Variants in PICALM observed in about 807,000 individuals in gnomAD.
PICALM encodes phosphatidylinositol binding clathrin assembly protein, also known as phosphatidylinositol-binding clathrin assembly protein.
A neutral mutation model predicts 80.5 loss-of-function variants in PICALM; 40 were observed. The observed-to-expected ratio is 0.50, with a 90% confidence interval of 0.39 to 0.65. The LOEUF is 0.65. PICALM is among the 30% of genes least tolerant of loss of function. The pLI is 0.00. For synonymous variants in PICALM, 288 were observed against 260.3 expected, an observed-to-expected ratio of 1.11 and a Z score of -1.02; for missense variants, 676 against 778.9, an observed-to-expected ratio of 0.87 and a Z score of 1.57.
intron 1 of PICALM, among the ~76,000 whole-genome samples, chr11:86,039,909 CAGG>C (rs1362438074): frequency 1.4e-5 from 2 of 146,658 alleles, no homozygotes; most frequent in African/African-American, 2.5e-5. Flanking sequence ...GAGGCTGAAG[CAGG>C]AGAATGACAT....
At chr11:85,990,013 A>AAAAT (rs1306746205) in intron 13 of PICALM, among the ~76,000 whole-genome samples, 1 of 150,550 alleles carries the variant, frequency 6.6e-6, no homozygotes, top group Non-Finnish European at 1.5e-5. Flanking sequence ...AACACCAAAA[A>AAAAT]AAAAAAAAAA....
chr11:85,977,813 T>A (rs1029247471), intron 17 of PICALM, among the ~76,000 whole-genome samples: 1 of 152,096 alleles, frequency 6.6e-6, no homozygotes, highest in African/African-American at 2.4e-5. Flanking sequence ...GCAGCACAGA[T>A]ACACACACAG....
intron 4 of PICALM, among the ~76,000 whole-genome samples, chr11:86,021,490 C>T (rs2095561508): frequency 7.0e-6 from 1 of 142,004 alleles, no homozygotes; most frequent in South Asian, 2.1e-4. Context: ...AGGATGGCTA[C>T]CATTTAAGAA....
chr11:85,961,226 A>G (rs547511301), intron 19 of PICALM, among the ~76,000 whole-genome samples: 1 of 152,298 alleles, frequency 6.6e-6, no homozygotes, highest in Non-Finnish European at 1.5e-5. Flanking sequence ...TCTAGCTGCA[A>G]TATTCTTTCC....
chr11:86,008,921 C>T lies in PICALM; in HGVS notation c.766-1338G>A, dbSNP rs373093000. On this transcript the variant is annotated intron_variant, in intron 7 of 19. Coordinates refer to ENST00000393346, the MANE Select transcript of PICALM (RefSeq NM_007166.4). ...CTGCCTGGGCAATATAGTGAGACCC[C>T]GTTCTCCAGAAAAAGGAAAAAAAAA... 1.7e-3 allele frequency among the ~76,000 whole-genome samples: 216 copies of T among 129,464 alleles called. 2 individuals are homozygous for T. Among genetic ancestry groups the T allele is most frequent in the Middle Eastern group, 8.7e-3 (2 of 230 alleles). 84.9% of individuals were successfully genotyped at this position (129,464 alleles called of 152,430 possible).
At chr11:86,054,036 T>C (rs929077704) in intron 1 of PICALM, among the ~76,000 whole-genome samples, 1 of 152,176 alleles carries the variant, frequency 6.6e-6, no homozygotes, top group Non-Finnish European at 1.5e-5. Flanking sequence ...TATCACCCAA[T>C]AAGATAGTTT....
intron 4 of PICALM, among the ~76,000 whole-genome samples, chr11:86,020,044 A>G (rs550399750): frequency 1.5e-4 from 23 of 152,258 alleles, no homozygotes; most frequent in African/African-American, 5.3e-4. Context: ...CCTATATCCT[A>G]GGAAAAAAAT....
At chr11:86,021,514 C>CA (rs144720845) in intron 4 of PICALM, among the ~76,000 whole-genome samples, 10,075 of 140,032 alleles carry the variant, frequency 0.072, 580 homozygotes, top group African/African-American at 0.17. Flanking sequence ...AAAAAAAAGG[C>CA]AAAAAAAAAC....
intron 13 of PICALM, among the ~76,000 whole-genome samples, chr11:85,986,365 A>ATTTTTTTTTTTTTTTTTTTTTTTT (rs775072780): frequency 1.4e-5 from 1 of 73,748 alleles, no homozygotes; most frequent in African/African-American, 5.6e-5. Context: ...CCAACTTTTA[A>ATTTTTTTTTTTTTTTTTTTTTTTT]TTTTTTTTTT....
At chr11:86,015,524 T>C (rs1051490199) in intron 4 of PICALM, among the ~76,000 whole-genome samples, 1 of 152,232 alleles carries the variant, frequency 6.6e-6, no homozygotes, top group Non-Finnish European at 1.5e-5. Context: ...CATTCTAATC[T>C]GGCTATTACA....
chr11:86,000,749 G>A lies in PICALM; in HGVS notation c.1048C>T (p.Pro350Ser), dbSNP rs2095118108. The A allele has an allele frequency of 6.2e-7, 1 of 1,612,926 alleles. No homozygotes were observed. Residue 350 changes from proline (P) to serine (S), a missense_variant, in exon 11 of 20, where the codon CCT (proline) becomes TCT (serine). Transcript: ENST00000393346. ...EQRLKELAKK[P>S]HTSLTTAASP... ...GCTGCAGTTGTTAAAGAGGTATGAG[G>A]TTTCTTTGCAAGTTCTTTTAGGCGC... is the stretch of plus-strand genomic sequence containing the variant.
chr11:86,000,416 A>G lies in PICALM; in HGVS notation c.1154+227T>C, dbSNP rs958322956. 3.9e-5 allele frequency among the ~76,000 whole-genome samples: 6 copies of G among 152,244 alleles called. 1 individual carries two copies. The highest frequency in any genetic ancestry group is 2.0e-4 in the Admixed American group (3 of 15,286). On this transcript the variant is annotated intron_variant, in intron 11 of 19. Transcript: ENST00000393346. ...GCCCAGAGATAACAGCTATATTCCT[A>G]TTAGTATAAATCAGTGATTTAACTA...
rs1449139084 is a variant in PICALM at position 86,007,385 on chromosome 11, A to G, written c.807+157T>C. 1.2e-5 allele frequency: 6 copies of G among 489,772 alleles called. No homozygotes were observed. In the East Asian group the frequency reaches 2.2e-4, roughly 18 times the overall value. The allele number at this position is 489,772 out of a possible 1,614,324, so 30.3% of individuals were successfully genotyped here. On this transcript the variant is annotated intron_variant, in intron 8 of 19. Coordinates refer to ENST00000393346, the MANE Select transcript of PICALM (RefSeq NM_007166.4). ...TAAGCAGATCATTTTACGTGGTCATAGTGTTAGAACAATCTTCAGGAATAC... is the reference window on the plus strand; with the variant it reads ...TAAGCAGATCATTTTACGTGGTCATGGTGTTAGAACAATCTTCAGGAATAC...
chr11:85,961,464 T>C (rs914196567), intron 19 of PICALM, among the ~76,000 whole-genome samples: 10 of 152,226 alleles, frequency 6.6e-5, no homozygotes, highest in African/African-American at 2.4e-4. Flanking sequence ...TACTTGATTC[T>C]TAGAATCTGT....
chr11:86,002,845 T>C (rs760495770), intron 9 of PICALM, among the ~76,000 whole-genome samples: 1 of 152,074 alleles, frequency 6.6e-6, no homozygotes, highest in Non-Finnish European at 1.5e-5. Context: ...AAACCCTGTC[T>C]CTACTAAAAA....
chr11:86,014,834 T>C, intron 5 of PICALM, 36 bp downstream of exon 5: 2 of 1,260,094 alleles, frequency 1.6e-6, no homozygotes, highest in East Asian at 2.5e-5. Context: ...AATGACCTAA[T>C]TTTTTAAAAT....
intron 1 of PICALM, among the ~76,000 whole-genome samples, chr11:86,045,126 G>A (rs2083766852): frequency 6.6e-6 from 1 of 152,012 alleles, no homozygotes; most frequent in Non-Finnish European, 1.5e-5. Flanking sequence ...GAAAATATGA[G>A]CAATTTTAAT....
At chr11:85,976,779 G>T (rs1055624505) in intron 17 of PICALM, 97 bp from the exon 18 acceptor site, 18 of 716,328 alleles carry the variant, frequency 2.5e-5, no homozygotes, top group Non-Finnish European at 4.3e-5. Flanking sequence ...AAAAAGAATT[G>T]CTAAGACAGC....
At position 86,001,184 on chromosome 11, in the gene PICALM, T is replaced by C. The variant is rs763699084; in HGVS notation, c.894-26A>G. On this transcript the variant is annotated intron_variant, in intron 9 of 19. Coordinates refer to ENST00000393346, the MANE Select transcript of PICALM (RefSeq NM_007166.4). ...CTAGGATAATTGAACAGAGATAATT[T>C]GGCTTTTTGCTAAACACTTCACATT... 5.6e-6 allele frequency: 9 copies of C among 1,609,078 alleles called. 1 individual carries two copies. The highest frequency in any genetic ancestry group is 6.8e-6 in the Non-Finnish European group (8 of 1,177,736).
Sources: allele counts gnomAD v4.1 joint callset (sites outside exome capture counted in the v4.1 genomes callset), GRCh38; gene constraint gnomAD v4.1.1; transcripts MANE v1.5; gene names NCBI Gene and HGNC (gene_info 2026-07-23, HGNC 2026-07-21).